Variants in BANP observed in about 807,000 individuals in gnomAD.
The protein encoded by BANP is BTG3 associated nuclear protein, also known as protein BANP.
BANP carries 11 observed loss-of-function variants against 68.1 expected under a neutral mutation model. The observed-to-expected ratio is 0.16, with a 90% CI of 0.10 to 0.27. The LOEUF is 0.27. Ranked by LOEUF, BANP falls within the 10% of genes least tolerant of loss-of-function variation. The pLI is 1.00. For synonymous variants in BANP, 329 were observed against 303.2 expected, an observed-to-expected ratio of 1.09 and a Z score of -0.88; for missense variants, 504 against 722.7, an observed-to-expected ratio of 0.70 and a Z score of 3.47.
intron 11 of BANP, among the ~76,000 whole-genome samples, chr16:88,060,945 G>A (rs2086597247): frequency 6.8e-6 from 1 of 146,172 alleles, no homozygotes; most frequent in Non-Finnish European, 1.5e-5. Flanking sequence ...CTTTGGTTGT[G>A]TTCTTAAACG....
At chr16:87,977,429 A>C (rs1408013556) in intron 2 of BANP, among the ~76,000 whole-genome samples, 4 of 151,554 alleles carry the variant, frequency 2.6e-5, no homozygotes, top group South Asian at 2.1e-4. Flanking sequence ...AAAAAAAAAA[A>C]CAAAACCTAC....
chr16:87,994,680 A>ATC (rs2066730085), intron 4 of BANP, among the ~76,000 whole-genome samples: 1 of 152,170 alleles, frequency 6.6e-6, no homozygotes, highest in Non-Finnish European at 1.5e-5. Context: ...TAGGCCTGGA[A>ATC]TCCCAGCAAC....
rs28377355 is a variant in BANP at position 88,018,419 on chromosome 16, G to A, written c.656-9G>A. 6.2e-7 allele frequency: 1 copy of A among 1,607,542 alleles called. No homozygotes were observed. The highest frequency in any genetic ancestry group is 8.5e-7 in the Non-Finnish European group (1 of 1,176,300). On this transcript the variant is annotated splice_polypyrimidine_tract_variant and intron_variant, in intron 6 of 13. Transcript: ENST00000682872. The surrounding 1 kb of genome is among the most constrained non-coding windows in gnomAD (Gnocchi z 7.7). ...TTGGCCATCTGAGGACCTGTCTTCT[G>A]TTTTTCAGAGGACTACCCCAATGGC...
intron 1 of BANP, among the ~76,000 whole-genome samples, chr16:87,953,654 C>T (rs1597650557): frequency 6.6e-6 from 1 of 152,186 alleles, no homozygotes; most frequent in African/African-American, 2.4e-5. Flanking sequence ...GAGTGTTTCC[C>T]TTCCTGTACA....
At position 88,033,222 on chromosome 16, in the gene BANP, G is replaced by A. The variant is rs764109528; in HGVS notation, c.1177G>A (p.Gly393Arg). 11 of 1,606,238 alleles carry A rather than the reference G, an allele frequency of 6.8e-6. No individual in the cohort carries two copies. Among genetic ancestry groups the A allele is most frequent in the East Asian group, 2.2e-5 (1 of 44,722 alleles). Residue 393 changes from glycine (G) to arginine (R), a missense_variant, in exon 9 of 14, where the codon GGA becomes AGA. Coordinates refer to ENST00000682872, the MANE Select transcript of BANP (RefSeq NM_001386991.1). Reference sequence around the variant, plus strand: ...ACAGCAGGTGCAGATCCACCAGATCGGAGAAGACGGACAGGTGCAAGTAGT... The same window carrying A: ...ACAGCAGGTGCAGATCCACCAGATCAGAGAAGACGGACAGGTGCAAGTAGT... ...NAQQVQIHQIGEDGQVQVIPQ... is the reference protein window; with the variant it reads ...NAQQVQIHQIREDGQVQVIPQ...
At chr16:87,987,531 G>A (rs1439622905) in intron 4 of BANP, among the ~76,000 whole-genome samples, 5 of 151,400 alleles carry the variant, frequency 3.3e-5, no homozygotes, top group South Asian at 2.1e-4. Context: ...CCAGACCAGC[G>A]TGGGCAACGT....
intron 11 of BANP, among the ~76,000 whole-genome samples, chr16:88,039,913 C>G (rs377427208): frequency 1.3e-5 from 2 of 152,368 alleles, no homozygotes; most frequent in East Asian, 3.9e-4. Flanking sequence ...TCCCCACTCT[C>G]TCTAAGTGGC....
At chr16:87,995,618 C>A (rs929298064) in intron 4 of BANP, among the ~76,000 whole-genome samples, 2 of 152,206 alleles carry the variant, frequency 1.3e-5, no homozygotes, top group Non-Finnish European at 2.9e-5. Flanking sequence ...GGATGCCTAC[C>A]TGGCGGCAGA....
intron 6 of BANP, among the ~76,000 whole-genome samples, chr16:88,010,105 GT>G (rs2072632345): frequency 6.6e-6 from 1 of 152,226 alleles, no homozygotes; most frequent in African/African-American, 2.4e-5. Context: ...TGGTCTTGGT[GT>G]GCTCATAGCT....
chr16:87,972,649 T>TGG (rs928610396), intron 1 of BANP, among the ~76,000 whole-genome samples: 50 of 152,332 alleles, frequency 3.3e-4, no homozygotes, highest in African/African-American at 1.2e-3. Context: ...TTCAGTGTTT[T>TGG]GGGTTCTTTC....
intron 7 of BANP, among the ~76,000 whole-genome samples, chr16:88,020,104 G>A (rs926392948): frequency 2.0e-5 from 3 of 152,200 alleles, no homozygotes; most frequent in Admixed American, 2.0e-4. Context: ...GCTTCTCAGC[G>A]GTGGAGTAAA....
At chr16:88,008,690 A>G (rs2072042992) in intron 6 of BANP, among the ~76,000 whole-genome samples, 1 of 152,186 alleles carries the variant, frequency 6.6e-6, no homozygotes, top group South Asian at 2.1e-4. Flanking sequence ...AGTTTTTTTG[A>G]TGTTTTGTGT....
At chr16:88,008,684 T>C (rs7404513) in intron 6 of BANP, among the ~76,000 whole-genome samples, 103,003 of 152,154 alleles carry the variant, frequency 0.68, 35,988 homozygotes, top group Non-Finnish European at 0.78. Flanking sequence ...AGTTTAAGTT[T>C]TTTTGATGTT....
intron 10 of BANP, 124 bp from the exon 11 acceptor site, chr16:88,037,849 T>G: frequency 1.1e-6 from 1 of 902,290 alleles, no homozygotes; most frequent in East Asian, 2.4e-5. Context: ...GTTGAATTTT[T>G]GCAGAACTGG....
At chr16:88,032,498 G>A (rs545885374) in intron 8 of BANP, among the ~76,000 whole-genome samples, 169 of 152,256 alleles carry the variant, frequency 1.1e-3, no homozygotes, top group Admixed American at 3.3e-3. Context: ...CACCGTGTCC[G>A]GACTACATTT....
intron 4 of BANP, among the ~76,000 whole-genome samples, chr16:88,001,749 C>T (rs1428285550): frequency 6.6e-6 from 1 of 152,002 alleles, no homozygotes; most frequent in Non-Finnish European, 1.5e-5. Flanking sequence ...TTTTGGCAGT[C>T]GAATGTTATG....
intron 10 of BANP, chr16:88,037,762 G>T: frequency 5.0e-6 from 3 of 598,522 alleles, no homozygotes; most frequent in Admixed American, 3.0e-5. Flanking sequence ...TTTTTGAGTT[G>T]TTTGTTCATC....
At chr16:87,965,904 G>C (rs2059931189) in intron 1 of BANP, among the ~76,000 whole-genome samples, 2 of 152,156 alleles carry the variant, frequency 1.3e-5, no homozygotes, top group South Asian at 2.1e-4. Flanking sequence ...GGGCGGAGTG[G>C]ACAGGAGAGT....
intron 8 of BANP, among the ~76,000 whole-genome samples, 174 bp from the exon 9 acceptor site, chr16:88,032,935 C>T (rs1313460242): frequency 6.6e-6 from 1 of 152,254 alleles, no homozygotes; most frequent in Non-Finnish European, 1.5e-5. Context: ...TCCTAAGACT[C>T]ACTGGTAGTG....
Sources: gnomAD v4.1 joint callset for allele counts (sites outside exome capture counted in the v4.1 genomes callset) on GRCh38, gnomAD v4.1.1 for gene constraint, Gnocchi (gnomAD v3.1) non-coding constraint, MANE v1.5 for transcripts, NCBI Gene and HGNC (gene_info 2026-07-23, HGNC 2026-07-21) for gene names.